The following CFAP58 variants were observed in gnomAD, a reference collection of about 807,000 sequenced individuals.
CFAP58 encodes the protein cilia and flagella associated protein 58.
Under a neutral mutation model 119.5 loss-of-function variants are expected in CFAP58, and 88 were observed. The ratio of observed to expected loss-of-function variants is 0.74; its 90% CI spans 0.62 to 0.88. The LOEUF (loss-of-function observed/expected upper bound fraction) is 0.88, where lower values mean the gene tolerates loss of function less well. CFAP58 is among the 40% of genes least tolerant of loss of function. The pLI, the probability that CFAP58 is intolerant of heterozygous loss-of-function variation, is 0.00. For missense variants in CFAP58, 990 were observed against 1,021.2 expected, an observed-to-expected ratio of 0.97 and a Z score of 0.42; for synonymous variants, 365 against 366.3, an observed-to-expected ratio of 1.00 and a Z score of 0.04.
chr10:104,371,347 T>C (rs2014821298), intron 7 of CFAP58, among the ~76,000 whole-genome samples: 2 of 152,238 alleles, frequency 1.3e-5, no homozygotes, highest in Non-Finnish European at 2.9e-5. Flanking sequence ...TAAACTCTTA[T>C]GTCTGAGGTT....
chr10:104,371,183 T>G, intron 7 of CFAP58, 129 bp downstream of exon 7: 1 of 834,960 alleles, frequency 1.2e-6, no homozygotes, highest in South Asian at 2.0e-5. Flanking sequence ...ACACTCACAC[T>G]GGTAAACAGT....
chr10:104,423,563 CAAAT>C (rs1351283510), intron 15 of CFAP58, among the ~76,000 whole-genome samples: 1 of 146,800 alleles, frequency 6.8e-6, no homozygotes, highest in East Asian at 2.0e-4. Flanking sequence ...TTTTTAGAAA[CAAAT>C]AACAATAACA....
chr10:104,387,766 T>TG (rs1319409210), intron 9 of CFAP58, among the ~76,000 whole-genome samples: 2 of 152,240 alleles, frequency 1.3e-5, no homozygotes, highest in Non-Finnish European at 2.9e-5. Flanking sequence ...ATGATGCACT[T>TG]GCCTCATTTT....
intron 3 of CFAP58, among the ~76,000 whole-genome samples, chr10:104,362,617 T>C (rs2014686684): frequency 6.6e-6 from 1 of 152,194 alleles, no homozygotes; most frequent in Admixed American, 6.5e-5. Flanking sequence ...CACTGTCTTG[T>C]TGGCTTGGTC....
chr10:104,394,735 A>G (rs1010980609), intron 11 of CFAP58, among the ~76,000 whole-genome samples: 2 of 152,218 alleles, frequency 1.3e-5, no homozygotes, highest in Non-Finnish European at 2.9e-5. Flanking sequence ...AAGATTCTGC[A>G]TTGTTTTTTA....
chr10:104,349,418 C>T (rs1243052157), upstream of CFAP58, among the ~76,000 whole-genome samples: 1 of 152,234 alleles, frequency 6.6e-6, no homozygotes, highest in Admixed American at 6.5e-5. Flanking sequence ...TCATTCCTCT[C>T]TGTGCACACA....
rs190215363 is a variant in CFAP58, at chr10:104,395,014, G to T, written c.1674+1539G>T. ...CTTTCCCTTTAAAGGATGGTGTTGG[G>T]TCTCATCTCTTACTTTCCCTAGTAA... On this transcript the variant is annotated intron_variant, in intron 11 of 17. Coordinates refer to ENST00000369704, the MANE Select transcript of CFAP58 (RefSeq NM_001008723.2). 9.9e-5 allele frequency among the ~76,000 whole-genome samples: 15 copies of T among 152,234 alleles called. No homozygotes were observed. The East Asian group carries it at 2.7e-3, about 27-fold the overall frequency.
chr10:104,346,618 A>G, the CFAP58 span, among the ~76,000 whole-genome samples: 1 of 128,278 alleles, frequency 7.8e-6, no homozygotes, highest in Non-Finnish European at 1.7e-5. Context: ...AATAGGTTGT[A>G]TGGAGCCATT....
intron 15 of CFAP58, among the ~76,000 whole-genome samples, chr10:104,429,025 A>T (rs1208640442): frequency 6.6e-6 from 1 of 152,186 alleles, no homozygotes; most frequent in Non-Finnish European, 1.5e-5. Context: ...GGCACAGAGG[A>T]TCCATTGATT....
chr10:104,342,666 C>CAAAAAAA, the CFAP58 span, among the ~76,000 whole-genome samples: 14 of 90,488 alleles, frequency 1.5e-4, no homozygotes, highest in East Asian at 4.6e-4. Context: ...CCCGTCTATA[C>CAAAAAAA]AAAAAAAAAA....
the CFAP58 span, among the ~76,000 whole-genome samples, chr10:104,346,714 C>A: frequency 7.0e-6 from 1 of 142,544 alleles, no homozygotes; most frequent in East Asian, 2.0e-4. Context: ...TGGCTCACTG[C>A]AACCTCCGCC....
At chr10:104,366,035 A>G in intron 5 of CFAP58, 27 bp downstream of exon 5, 1 of 1,518,226 alleles carries the variant, frequency 6.6e-7, no homozygotes, top group Non-Finnish European at 8.8e-7. Flanking sequence ...TCTTCGCAAA[A>G]AACCAAGAAA....
chr10:104,425,601 T>G (rs2012731584), intron 15 of CFAP58, among the ~76,000 whole-genome samples: 1 of 152,190 alleles, frequency 6.6e-6, no homozygotes, highest in South Asian at 2.1e-4. Flanking sequence ...TTAGACCAGT[T>G]TTACAAATGA....
Position 104,353,859 on chromosome 10 carries a change from C to A in CFAP58, c.-39C>A. On this transcript the variant is annotated 5_prime_UTR_variant, in exon 1 of 18. Transcript: ENST00000369704. The stretch of plus-strand genomic sequence containing the variant: ...GACTCCGGCCCAGCTCCTGCGATCT[C>A]CACAGCAGCCTCTGAGGCCGCCCCC... 6.2e-7 allele frequency: 1 copy of A among 1,608,704 alleles called. No individual in the cohort carries two copies. Among genetic ancestry groups the A allele is most frequent in the Non-Finnish European group, 8.5e-7 (1 of 1,176,286 alleles).
rs1272836031 is a variant in CFAP58 at position 104,400,885 on chromosome 10, C to T, written c.2021C>T (p.Ala674Val). 1.2e-6 allele frequency: 2 copies of T among 1,613,826 alleles called. No individual in the cohort carries two copies. Among genetic ancestry groups the T allele is most frequent in the Admixed American group, 3.3e-5 (2 of 59,998 alleles). The change falls in exon 13 of 18, where the codon GCT becomes GTT. Residue 674 changes from alanine (A) to valine (V), a missense_variant. By Grantham distance (64) the Ala-to-Val change is moderately conservative (BLOSUM62 0). Coordinates refer to ENST00000369704, the MANE Select transcript of CFAP58 (RefSeq NM_001008723.2). ...AAGGGGATTCTTGCCAGGAGTATGG[C>T]TAATGTTGAAGAACTCAGGTAATAG... ...REKGILARSM[A>V]NVEELRQEFF...
intron 17 of CFAP58, among the ~76,000 whole-genome samples, chr10:104,451,188 T>C (rs150291811): frequency 5.4e-4 from 82 of 152,304 alleles, no homozygotes; most frequent in African/African-American, 1.9e-3. Flanking sequence ...GCTTGGTACT[T>C]ATCCACATGG....
intron 15 of CFAP58, among the ~76,000 whole-genome samples, chr10:104,440,865 C>A (rs571339380): frequency 2.6e-4 from 39 of 152,212 alleles, no homozygotes; most frequent in African/African-American, 8.4e-4. Context: ...AAATTGATAT[C>A]ATCTCCACTT....
At chr10:104,371,612 G>C (rs2014824546) in intron 7 of CFAP58, among the ~76,000 whole-genome samples, 1 of 152,152 alleles carries the variant, frequency 6.6e-6, no homozygotes, top group Admixed American at 6.5e-5. Context: ...ACAAACCCTG[G>C]AGTCAGAGCT....
At chr10:104,391,694 A>G (rs2012047516) in intron 9 of CFAP58, among the ~76,000 whole-genome samples, 1 of 152,200 alleles carries the variant, frequency 6.6e-6, no homozygotes, top group Admixed American at 6.5e-5. Context: ...TACTTTGTGC[A>G]CAATAGAATG....
Sources: allele counts gnomAD v4.1 joint callset (sites outside exome capture counted in the v4.1 genomes callset), GRCh38; gene constraint gnomAD v4.1.1; transcripts MANE v1.5; gene names NCBI Gene and HGNC (gene_info 2026-07-23, HGNC 2026-07-21).